Variants in ENTREP2 observed in about 807,000 individuals in gnomAD.
ENTREP2 encodes protein ENTREP2.
the ENTREP2 span, among the ~76,000 whole-genome samples, chr15:29,463,344 G>A: frequency 4.6e-5 from 7 of 152,100 alleles, 1 homozygote; most frequent in Admixed American, 2.0e-4. Context: ...AAGGTTCAGC[G>A]GCCCAGGGCT....
At chr15:29,118,433 T>G in the ENTREP2 span, 1 of 152,220 alleles carries the variant, frequency 6.6e-6, no homozygotes, top group Non-Finnish European at 1.5e-5. Flanking sequence ...TGCTCTGTGC[T>G]CCTCCTGGAT....
the ENTREP2 span, among the ~76,000 whole-genome samples, chr15:29,409,506 A>G: frequency 6.6e-6 from 1 of 151,922 alleles, no homozygotes; most frequent in Non-Finnish European, 1.5e-5. Context: ...TTGTATTTTT[A>G]GTAGAGACAG....
the ENTREP2 span, among the ~76,000 whole-genome samples, chr15:29,428,059 C>T: frequency 8.5e-5 from 13 of 152,130 alleles, no homozygotes; most frequent in African/African-American, 2.2e-4. Flanking sequence ...TAGACCTACC[C>T]AGAATTCATT....
At chr15:29,209,161 C>A in the ENTREP2 span, among the ~76,000 whole-genome samples, 2 of 152,142 alleles carry the variant, frequency 1.3e-5, no homozygotes, top group Non-Finnish European at 2.9e-5. Context: ...TGTGTGCTTT[C>A]TTCTCTGGCT....
chr15:29,198,099 G>C, the ENTREP2 span, among the ~76,000 whole-genome samples: 1 of 152,206 alleles, frequency 6.6e-6, no homozygotes, highest in Non-Finnish European at 1.5e-5. Context: ...GAGGAACTCA[G>C]CTTAGCTTAA....
the ENTREP2 span, among the ~76,000 whole-genome samples, chr15:29,208,887 A>C: frequency 6.6e-6 from 1 of 152,366 alleles, no homozygotes; most frequent in Middle Eastern, 3.4e-3. Flanking sequence ...AGATGAGTGA[A>C]TCTAACCGAC....
At chr15:29,627,379 C>A in the ENTREP2 span, among the ~76,000 whole-genome samples, 2 of 151,922 alleles carry the variant, frequency 1.3e-5, no homozygotes, top group African/African-American at 2.4e-5. Flanking sequence ...TTCGTCTCTA[C>A]TAAAAATACA....
chr15:29,340,176 T>C, the ENTREP2 span, among the ~76,000 whole-genome samples: 1 of 152,224 alleles, frequency 6.6e-6, no homozygotes, highest in Non-Finnish European at 1.5e-5. Flanking sequence ...GCCATAATTC[T>C]GCAACTTTGC....
the ENTREP2 span, among the ~76,000 whole-genome samples, chr15:29,410,538 C>T: frequency 8.4e-3 from 1,274 of 152,088 alleles, 19 homozygotes; most frequent in African/African-American, 0.03. Flanking sequence ...GCACGATCAC[C>T]CGCCGTAGCC....
the ENTREP2 span, among the ~76,000 whole-genome samples, chr15:29,384,420 C>T: frequency 6.6e-6 from 1 of 152,122 alleles, no homozygotes; most frequent in African/African-American, 2.4e-5. Context: ...TTTCACCTGC[C>T]CGATGACAGC....
At chr15:29,402,639 C>T in the ENTREP2 span, among the ~76,000 whole-genome samples, 5 of 152,048 alleles carry the variant, frequency 3.3e-5, no homozygotes, top group African/African-American at 7.3e-5. Flanking sequence ...CATGTAGAAA[C>T]GTTCACACTA....
chr15:29,404,391 C>G, the ENTREP2 span, among the ~76,000 whole-genome samples: 4 of 151,938 alleles, frequency 2.6e-5, no homozygotes, highest in African/African-American at 9.7e-5. Context: ...CGTCTCCACT[C>G]CCCAGTCCTG....
chr15:29,577,369 C>T, the ENTREP2 span, among the ~76,000 whole-genome samples: 7 of 129,678 alleles, frequency 5.4e-5, no homozygotes, highest in East Asian at 2.3e-4. Context: ...AAAGGGAACA[C>T]GTGTGATAGG....
the ENTREP2 span, among the ~76,000 whole-genome samples, chr15:29,424,157 A>G: frequency 6.6e-6 from 1 of 152,216 alleles, no homozygotes; most frequent in Non-Finnish European, 1.5e-5. Flanking sequence ...TATAGCTCAT[A>G]AAGGTAATGC....
chr15:29,656,536 T>C, the ENTREP2 span, among the ~76,000 whole-genome samples: 1 of 152,204 alleles, frequency 6.6e-6, no homozygotes, highest in Non-Finnish European at 1.5e-5. Flanking sequence ...CAGTAAATTT[T>C]TAAAGTAGAA....
chr15:29,187,607 G>A, the ENTREP2 span, among the ~76,000 whole-genome samples: 10 of 152,136 alleles, frequency 6.6e-5, no homozygotes, highest in Non-Finnish European at 1.0e-4. Context: ...GTTTCCCCCA[G>A]TAGACTTGGA....
chr15:29,207,220 G>A, the ENTREP2 span, among the ~76,000 whole-genome samples: 2 of 152,230 alleles, frequency 1.3e-5, no homozygotes, highest in Admixed American at 6.5e-5. Context: ...TTTCCCCTGT[G>A]CTACACACTA....
the ENTREP2 span, among the ~76,000 whole-genome samples, chr15:29,449,401 G>A: frequency 6.6e-6 from 1 of 152,196 alleles, no homozygotes; most frequent in Non-Finnish European, 1.5e-5. Flanking sequence ...ATGAAGGCTT[G>A]ATCACTGACT....
the ENTREP2 span, among the ~76,000 whole-genome samples, chr15:29,223,933 G>C: frequency 6.6e-6 from 1 of 152,166 alleles, no homozygotes; most frequent in East Asian, 1.9e-4. Context: ...CCCGCCCCCA[G>C]CTCGCGCCCA....
Sources: allele counts gnomAD v4.1 joint callset (sites outside exome capture counted in the v4.1 genomes callset), GRCh38; gene constraint gnomAD v4.1.1; transcripts MANE v1.5; gene names NCBI Gene and HGNC (gene_info 2026-07-23, HGNC 2026-07-21).